Variants in CASK observed in about 807,000 individuals in gnomAD.
CASK encodes the protein calcium/calmodulin dependent serine protein kinase, also known as peripheral plasma membrane protein CASK.
CASK carries 4 observed loss-of-function variants against 82.9 expected under a neutral mutation model. That is an observed-to-expected ratio of 0.05 (90% CI 0.02 to 0.11). The LOEUF is 0.11. Among genes scored for constraint, CASK ranks in the 10% least tolerant of loss-of-function variants. CASK has a pLI of 1.00. For missense variants in CASK, 358 were observed against 720.9 expected, an observed-to-expected ratio of 0.50 and a Z score of 5.76; for synonymous variants, 259 against 253.5, an observed-to-expected ratio of 1.02 and a Z score of -0.20.
intron 21 of CASK, among the ~76,000 whole-genome samples, chrX:41,547,814 G>A (rs1316225245): frequency 9.1e-6 from 1 of 110,473 alleles, no homozygotes; most frequent in Non-Finnish European, 1.9e-5. Context: ...TAGTAGAGAC[G>A]GGGTTTCACC....
intron 3 of CASK, among the ~76,000 whole-genome samples, chrX:41,785,793 C>T (rs2069585883): frequency 1.8e-5 from 2 of 112,012 alleles, no homozygotes; most frequent in South Asian, 3.7e-4. Flanking sequence ...GATATTCAGG[C>T]CCTGGTATAA....
At chrX:41,758,135 A>G (rs981355459) in intron 3 of CASK, among the ~76,000 whole-genome samples, 1 of 111,698 alleles carries the variant, frequency 9.0e-6, no homozygotes, top group African/African-American at 3.3e-5. Flanking sequence ...AGAAGGAGAG[A>G]TTAAGAAAGT....
rs201637403 is a variant in CASK at position 41,600,951 on chromosome X, AT to A, written c.1155+8952del. Among the ~76,000 whole-genome samples the A allele has an allele frequency of 5.6e-3, 623 of 112,165 alleles. 2 individuals carry two copies. The highest frequency in any genetic ancestry group is 0.02 in the African/African-American group (607 of 30,950). On this transcript the variant is annotated intron_variant, in intron 12 of 26. Transcript: ENST00000378163. ...AGAAAATTCTAACACATGCTACAAC[AT>A]GGATGAACCTTGAAGATATCATGCT... is the stretch of plus-strand genomic sequence containing the variant.
rs141397991 is a variant in CASK at position 41,711,077 on chromosome X, G to A, written c.429+28307C>T. Among the ~76,000 whole-genome samples the A allele has an allele frequency of 8.7e-3, 975 of 111,885 alleles. 19 individuals carry two copies. The highest frequency in any genetic ancestry group is 0.062 in the Admixed American group (657 of 10,576). ...ATTAATTGGGCCCAAAGAGGGAGCC[G>A]TGGGATCCCTGATTTATAGCTAGTC... is the stretch of plus-strand genomic sequence containing the variant. On this transcript the variant is annotated intron_variant, in intron 5 of 26. Transcript: ENST00000378163.
At chrX:41,647,919 A>G (rs2066789189) in intron 8 of CASK, among the ~76,000 whole-genome samples, 1 of 111,678 alleles carries the variant, frequency 9.0e-6, no homozygotes, top group African/African-American at 3.3e-5. Flanking sequence ...TAACTGCACA[A>G]ATTGTACAGC....
intron 11 of CASK, among the ~76,000 whole-genome samples, chrX:41,621,441 T>C (rs2066287085): frequency 1.8e-5 from 2 of 112,238 alleles, no homozygotes; most frequent in African/African-American, 6.5e-5. Flanking sequence ...TGAGCTGCCA[T>C]GCTGTGAACA....
At chrX:41,656,397 G>A (rs1023390204) in intron 8 of CASK, among the ~76,000 whole-genome samples, 2 of 111,456 alleles carry the variant, frequency 1.8e-5, no homozygotes, top group African/African-American at 6.5e-5. Context: ...TTGCTTGCCC[G>A]GTGGAAGATG....
At chrX:41,586,484 A>G (rs1344156134) in intron 14 of CASK, 1 of 119,930 alleles carries the variant, frequency 8.3e-6, no homozygotes, top group Non-Finnish European at 1.7e-5. Context: ...TCCATATAGT[A>G]GAAATGAACC....
chrX:41,588,911 T>C (rs1342199197), intron 13 of CASK, among the ~76,000 whole-genome samples: 1 of 111,777 alleles, frequency 8.9e-6, no homozygotes, highest in Non-Finnish European at 1.9e-5. Context: ...AGACACATTT[T>C]GATTACAACT....
intron 1 of CASK, among the ~76,000 whole-genome samples, chrX:41,892,336 C>A (rs1486638350): frequency 9.4e-6 from 1 of 106,432 alleles, no homozygotes; most frequent in Non-Finnish European, 1.9e-5. Flanking sequence ...AAAACAGGTT[C>A]TCTTTTTTTT....
intron 1 of CASK, among the ~76,000 whole-genome samples, chrX:41,858,058 A>G (rs1484168662): frequency 8.9e-6 from 1 of 112,658 alleles, no homozygotes; most frequent in Non-Finnish European, 1.9e-5. Context: ...CTTGCCATGC[A>G]CACTTTCTGA....
chrX:41,581,693 C>T (rs1200739112), intron 14 of CASK, among the ~76,000 whole-genome samples: 1 of 109,195 alleles, frequency 9.2e-6, no homozygotes, highest in Non-Finnish European at 1.9e-5. Context: ...ATTTTAAAAA[C>T]GCTTATAAGA....
chrX:41,813,812 A>C (rs1298271534), intron 2 of CASK, among the ~76,000 whole-genome samples: 2 of 111,917 alleles, frequency 1.8e-5, no homozygotes, highest in Non-Finnish European at 3.8e-5. Context: ...GGCAACCTAC[A>C]GAATGGGAGA....
chrX:41,886,447 C>T (rs1420401559), intron 1 of CASK, among the ~76,000 whole-genome samples: 1 of 111,644 alleles, frequency 9.0e-6, no homozygotes, highest in Non-Finnish European at 1.9e-5. Flanking sequence ...GTTACAAAGA[C>T]ATCTTTAAAG....
intron 5 of CASK, among the ~76,000 whole-genome samples, chrX:41,674,304 T>C (rs1308607324): frequency 9.1e-6 from 1 of 110,433 alleles, no homozygotes; most frequent in African/African-American, 3.3e-5. Context: ...GGCCACCAAG[T>C]AGGAATGGTT....
intron 1 of CASK, among the ~76,000 whole-genome samples, chrX:41,895,633 G>T (rs1402979056): frequency 5.4e-5 from 6 of 111,758 alleles, no homozygotes; most frequent in Non-Finnish European, 9.4e-5. Context: ...AAGATGAAGA[G>T]CGTGGGGAGA....
chrX:41,914,542 GACAGT>G (rs1160904750), intron 1 of CASK, among the ~76,000 whole-genome samples: 1 of 112,357 alleles, frequency 8.9e-6, no homozygotes, highest in East Asian at 2.8e-4. Flanking sequence ...GAAAGAGGAG[GACAGT>G]ACTACATTCA....
At chrX:41,644,808 G>A (rs1602400825) in intron 8 of CASK, among the ~76,000 whole-genome samples, 1 of 111,750 alleles carries the variant, frequency 8.9e-6, no homozygotes, top group African/African-American at 3.2e-5. Flanking sequence ...GGTCAAGATT[G>A]CAGAGGTAAG....
intron 1 of CASK, among the ~76,000 whole-genome samples, chrX:41,865,279 G>A (rs181636364): frequency 4.5e-5 from 5 of 111,885 alleles, no homozygotes; most frequent in African/African-American, 1.6e-4. Flanking sequence ...AGTGAACTGA[G>A]CTTTCTAATC....
Sources: allele counts gnomAD v4.1 joint callset (sites outside exome capture counted in the v4.1 genomes callset), GRCh38; gene constraint gnomAD v4.1.1; transcripts MANE v1.5; gene names NCBI Gene and HGNC (gene_info 2026-07-23, HGNC 2026-07-21).